NRXN2: variants seen among roughly 807,000 people sequenced by gnomAD.
NRXN2 encodes the protein neurexin-2-beta.
NRXN2 carries 29 observed loss-of-function variants against 128.8 expected under a neutral mutation model. That is an observed-to-expected ratio of 0.23 (90% CI 0.17 to 0.31). NRXN2 has a LOEUF of 0.31. Among genes scored for constraint, NRXN2 ranks in the 10% least tolerant of loss-of-function variants. The pLI is 1.00. For synonymous variants in NRXN2, 1,098 were observed against 1,075.2 expected, an observed-to-expected ratio of 1.02 and a Z score of -0.41; for missense variants, 1,881 against 2,452.6, an observed-to-expected ratio of 0.77 and a Z score of 4.92.
intron 19 of NRXN2, among the ~76,000 whole-genome samples, chr11:64,628,632 T>G (rs915633707): frequency 2.6e-5 from 4 of 152,278 alleles, no homozygotes; most frequent in Admixed American, 6.5e-5. Context: ...CTTGACATGG[T>G]GAGGCCTTCA....
At chr11:64,633,478 G>C (rs1396663375) in intron 18 of NRXN2, among the ~76,000 whole-genome samples, 2 of 152,300 alleles carry the variant, frequency 1.3e-5, no homozygotes, top group East Asian at 3.9e-4. Flanking sequence ...GCAAGGAAGT[G>C]GCAAAGTTGG....
Position 64,607,606 on chromosome 11 carries a change from T to A in NRXN2, c.4729A>T (p.Asn1577Tyr). ...GGGGCCCCGGGCCCCAAGGGCGGGT[T>A]CTCCAGCAAGGGCTGAAGCGGGTCT... ...HRDPLQPLLENPPLGPGAPTS... is the reference protein window; with the variant it reads ...HRDPLQPLLEYPPLGPGAPTS... Residue 1577 changes from asparagine to tyrosine, a missense_variant, in exon 23 of 23, where the codon AAC becomes TAC. This residue lies in a region of NRXN2 where 310 missense variants were observed against 318.2 expected (regional missense o/e 0.97). Transcript: ENST00000265459. The A allele has an allele frequency of 6.5e-7, 1 of 1,532,926 alleles. No individual in the cohort carries two copies. Among genetic ancestry groups the A allele is most frequent in the Non-Finnish European group, 8.7e-7 (1 of 1,142,874 alleles). The allele number at this position is 1,532,926 out of a possible 1,614,324, so 95.0% of individuals were successfully genotyped here.
At chr11:64,638,004 A>T (rs1591676003) in intron 17 of NRXN2, among the ~76,000 whole-genome samples, 1 of 152,102 alleles carries the variant, frequency 6.6e-6, no homozygotes, top group East Asian at 1.9e-4. Flanking sequence ...GCTGCACACA[A>T]AGACCCAGCG....
chr11:64,611,752 C>A (rs1472158202), intron 22 of NRXN2, among the ~76,000 whole-genome samples: 1 of 152,170 alleles, frequency 6.6e-6, no homozygotes, highest in East Asian at 1.9e-4. Flanking sequence ...TGACCTCTTG[C>A]CCCTCCAACC....
chr11:64,700,035 G>A (rs1213816667), intron 2 of NRXN2, among the ~76,000 whole-genome samples: 1 of 152,182 alleles, frequency 6.6e-6, no homozygotes, highest in Non-Finnish European at 1.5e-5. Flanking sequence ...ACAGCACCTA[G>A]AAACTCACAT....
chr11:64,697,705 C>A, intron 3 of NRXN2, 70 bp downstream of exon 3: 1 of 1,576,864 alleles, frequency 6.3e-7, no homozygotes, highest in Non-Finnish European at 8.7e-7. Context: ...GGGTAGCCAA[C>A]GACAGTCCCT....
At position 64,722,959 on chromosome 11, in the gene NRXN2, C is replaced by A. The variant is rs1361452706; in HGVS notation, c.-245+12G>T. On this transcript the variant is annotated intron_variant, in intron 1 of 22. Transcript: ENST00000265459. ...CCGTCTCCGCCGCAGCGCCCCCCCC[C>A]CCCCATTTTACCTGGTTCTCGGGGC... 2 of 138,546 alleles carry A rather than the reference C, an allele frequency of 1.4e-5. No individual in the cohort carries two copies. Among genetic ancestry groups the A allele is most frequent in the Admixed American group, 6.9e-5 (1 of 14,544 alleles). 8.6% of individuals were successfully genotyped at this position (138,546 alleles called of 1,614,324 possible). A position where few individuals can be genotyped will look rare whatever the true frequency, so the allele number is the denominator to read the frequency against.
intron 5 of NRXN2, 86 bp downstream of exon 5, chr11:64,690,319 C>T (rs1215707694): frequency 9.9e-6 from 12 of 1,213,050 alleles, no homozygotes; most frequent in Middle Eastern, 1.9e-4. Context: ...GATGTGCCTG[C>T]GTTGACTTGG....
intron 17 of NRXN2, chr11:64,642,742 G>C: frequency 7.3e-7 from 1 of 1,368,870 alleles, no homozygotes; most frequent in Admixed American, 2.7e-5. Flanking sequence ...CGGCGGCAGG[G>C]GCCCAGCCAG....
At chr11:64,633,627 C>A (rs1734740746) in intron 18 of NRXN2, among the ~76,000 whole-genome samples, 1 of 152,202 alleles carries the variant, frequency 6.6e-6, no homozygotes, top group Non-Finnish European at 1.5e-5. Flanking sequence ...ATTGAAACAA[C>A]TGCAAACACC....
intron 6 of NRXN2, among the ~76,000 whole-genome samples, chr11:64,682,385 G>T (rs1430710002): frequency 6.6e-6 from 1 of 150,684 alleles, no homozygotes; most frequent in Non-Finnish European, 1.5e-5. Flanking sequence ...ATCTTTAGGG[G>T]ACTCCATCCT....
At chr11:64,658,949 G>A (rs1464955167) in intron 11 of NRXN2, among the ~76,000 whole-genome samples, 21 of 152,178 alleles carry the variant, frequency 1.4e-4, no homozygotes, top group Admixed American at 1.1e-3. Context: ...ACATGAACCC[G>A]GGAGGCAGAG....
rs76992991 is a variant in NRXN2, at chr11:64,654,068, G to A, written c.2390-346C>T. 1.1e-3 allele frequency among the ~76,000 whole-genome samples: 170 copies of A among 152,312 alleles called. 1 individual carries two copies. Among genetic ancestry groups the A allele is most frequent in the African/African-American group, 3.8e-3 (156 of 41,578 alleles). On this transcript the variant is annotated intron_variant, in intron 11 of 22. Transcript: ENST00000265459. ...GTCGTACAGGGGATCAATGGGGGCC[G>A]AGGGCTTGACCAACCCCACATCTCC...
rs761079411 is a variant in NRXN2, at chr11:64,607,843, C to G, written c.4492G>C (p.Gly1498Arg). Residue 1498 changes from glycine to arginine, a missense_variant, in exon 23 of 23, where the codon GGG (glycine) becomes CGG (arginine). Gly to Arg is a moderately radical substitution (Grantham distance 125). Coordinates refer to ENST00000265459, the MANE Select transcript of NRXN2 (RefSeq NM_015080.4). The stretch of plus-strand genomic sequence containing the variant: ...GGGAGGCTGGAGTCAAAGACCTCCC[C>G]GGAGGCGAAGCCCGAGGCCTCGATG... The part of the protein sequence containing the change: ...EPIEASGFAS[G>R]EVFDSSLPPT... 2.5e-6 allele frequency: 4 copies of G among 1,599,416 alleles called. No individual in the cohort carries two copies. The highest frequency in any genetic ancestry group is 3.4e-6 in the Non-Finnish European group (4 of 1,173,728).
chr11:64,628,943 CAT>C (rs2043467185), intron 19 of NRXN2, among the ~76,000 whole-genome samples: 1 of 152,130 alleles, frequency 6.6e-6, no homozygotes, highest in Non-Finnish European at 1.5e-5. Flanking sequence ...TGCAGTTGTC[CAT>C]ATGTCTAAGG....
In NRXN2 at chr11:64,606,628, G is replaced by A. The variant is rs2039685106; in HGVS notation, c.*568C>T. 1 of 27,582 alleles carries A rather than the reference G, an allele frequency of 3.6e-5. No individual in the cohort carries two copies. The highest frequency in any genetic ancestry group is 8.0e-5 in the Non-Finnish European group (1 of 12,426). 1.7% of individuals were successfully genotyped at this position (27,582 alleles called of 1,614,324 possible). A position where few individuals can be genotyped will look rare whatever the true frequency, so the allele number is the denominator to read the frequency against. On this transcript the variant is annotated 3_prime_UTR_variant, in exon 23 of 23. Transcript: ENST00000265459. Reference sequence around the variant, plus strand: ...ACCCCACCCACCCACTGGGCCACTCGGGCCCACCCTCCCGCCCTTCTCCCA... The same window carrying A: ...ACCCCACCCACCCACTGGGCCACTCAGGCCCACCCTCCCGCCCTTCTCCCA...
At chr11:64,608,227 C>T in intron 22 of NRXN2, 145 bp from the exon 23 acceptor site, 1 of 694,544 alleles carries the variant, frequency 1.4e-6, no homozygotes, top group South Asian at 1.7e-5. Flanking sequence ...CTGGGCCCGC[C>T]CGCCAGCCGG....
Position 64,676,901 on chromosome 11 carries a change from C to A in NRXN2, c.1197+92G>T, listed in dbSNP as rs2051397636. On this transcript the variant is annotated intron_variant, in intron 7 of 22. Transcript: ENST00000265459. ...TTGGAAGAGCAAAACAACCAAAAAA[C>A]CAAACAGGGAGAGGAAACAAAAGAG... The A allele has an allele frequency of 1.1e-5, 12 of 1,076,892 alleles. No individual in the cohort carries two copies. The South Asian group carries it at 1.5e-4, about 13-fold the overall frequency. 66.7% of individuals were successfully genotyped at this position (1,076,892 alleles called of 1,614,324 possible). A position where few individuals can be genotyped will look rare whatever the true frequency, so the allele number is the denominator to read the frequency against.
At chr11:64,685,542 C>G in intron 6 of NRXN2, 104 bp downstream of exon 6, 3 of 1,466,322 alleles carry the variant, frequency 2.0e-6, no homozygotes, top group Non-Finnish European at 2.9e-6. Context: ...CACCTCACTG[C>G]CCAGCCCTGA....
Sources: gnomAD v4.1 joint callset for allele counts (sites outside exome capture counted in the v4.1 genomes callset) on GRCh38, gnomAD v4.1.1 for gene constraint, gnomAD v4.1.1 regional missense constraint, MANE v1.5 for transcripts, NCBI Gene and HGNC (gene_info 2026-07-23, HGNC 2026-07-21) for gene names.